TMEM200A: variants seen among roughly 807,000 people sequenced by gnomAD.
The protein encoded by TMEM200A is two transmembrane C.
TMEM200A carries 12 observed loss-of-function variants against 24.3 expected under a neutral mutation model. The ratio of observed to expected loss-of-function variants is 0.49; its 90% CI spans 0.32 to 0.80. TMEM200A has a LOEUF of 0.80. Ranked by LOEUF, TMEM200A falls within the 30% of genes least tolerant of loss-of-function variation. The pLI, the probability that TMEM200A is intolerant of heterozygous loss-of-function variation, is 0.04. For missense variants in TMEM200A, 545 were observed against 614.4 expected (o/e 0.89, Z 1.19); for synonymous variants, 224 against 224.4 (o/e 1.00, Z 0.02).
intron 2 of TMEM200A, among the ~76,000 whole-genome samples, chr6:130,407,601 T>C: frequency 6.6e-6 from 1 of 152,216 alleles, no homozygotes; most frequent in East Asian, 1.9e-4. Flanking sequence ...CTTGATTTGG[T>C]CAATATCATA....
chr6:130,420,696 G>C (rs1779560877), intron 2 of TMEM200A, among the ~76,000 whole-genome samples: 1 of 152,090 alleles, frequency 6.6e-6, no homozygotes, highest in Admixed American at 6.6e-5. Flanking sequence ...CGGGTCCTTA[G>C]CTCCCAGCAA....
intron 2 of TMEM200A, among the ~76,000 whole-genome samples, chr6:130,418,668 G>T (rs1427937309): frequency 1.3e-5 from 2 of 152,130 alleles, no homozygotes; most frequent in Non-Finnish European, 2.9e-5. Context: ...GTAGCATTGT[G>T]ATAAAATCAC....
intron 2 of TMEM200A, among the ~76,000 whole-genome samples, chr6:130,428,052 C>CTGTT (rs1243497886): frequency 1.3e-5 from 2 of 152,054 alleles, no homozygotes; most frequent in African/African-American, 4.8e-5. Flanking sequence ...TGGTTTTATC[C>CTGTT]TGTTATTGTT....
Position 130,442,557 on chromosome 6 carries a change from G to A in TMEM200A, c.*659G>A, listed in dbSNP as rs1344021088. The A allele has an allele frequency of 6.0e-6, 1 of 166,660 alleles. No homozygotes were observed. Among genetic ancestry groups the A allele is most frequent in the African/African-American group, 2.4e-5 (1 of 41,400 alleles). 10.3% of individuals were successfully genotyped at this position (166,660 alleles called of 1,614,324 possible). On this transcript the variant is annotated 3_prime_UTR_variant, in exon 3 of 3. Coordinates refer to ENST00000296978, the MANE Select transcript of TMEM200A (RefSeq NM_001258277.2). ...GCTGACAGTGCCAGATATACTTAGGGATAAACATCAAAATGCAATTATAGT... is the reference window on the plus strand; with the variant it reads ...GCTGACAGTGCCAGATATACTTAGGAATAAACATCAAAATGCAATTATAGT...
intron 2 of TMEM200A, among the ~76,000 whole-genome samples, chr6:130,395,804 G>T (rs117304283): frequency 2.0e-5 from 3 of 152,318 alleles, no homozygotes; most frequent in Non-Finnish European, 4.4e-5. Context: ...TGAATTTAAA[G>T]CAAGTGTTAC....
intron 1 of TMEM200A, chr6:130,381,872 A>G (rs1583178754): frequency 1.0e-6 from 1 of 980,942 alleles, no homozygotes; most frequent in Non-Finnish European, 1.2e-6. Context: ...ACTGAAGGTT[A>G]ACATTTGAAA....
At chr6:130,392,892 ATC>A (rs1778867340) in intron 2 of TMEM200A, among the ~76,000 whole-genome samples, 1 of 152,226 alleles carries the variant, frequency 6.6e-6, no homozygotes, top group Non-Finnish European at 1.5e-5. Flanking sequence ...AGTTTTTGAC[ATC>A]TCATTCATTT....
chr6:130,378,923 C>A (rs1778532241), intron 1 of TMEM200A, among the ~76,000 whole-genome samples: 1 of 152,150 alleles, frequency 6.6e-6, no homozygotes. Context: ...CTGGCAATAT[C>A]AGGGTGCTGG....
chr6:130,387,435 G>T (rs1337233107), intron 2 of TMEM200A, among the ~76,000 whole-genome samples: 4 of 152,076 alleles, frequency 2.6e-5, no homozygotes, highest in African/African-American at 7.2e-5. Flanking sequence ...ATCATGCACG[G>T]CTAATTTTTG....
At chr6:130,432,628 A>G (rs1779905551) in intron 2 of TMEM200A, among the ~76,000 whole-genome samples, 1 of 152,238 alleles carries the variant, frequency 6.6e-6, no homozygotes, top group Non-Finnish European at 1.5e-5. Flanking sequence ...GTAAAAGAAC[A>G]ATGTGAGCTA....
chr6:130,382,491 A>G (rs1778624201), intron 1 of TMEM200A, among the ~76,000 whole-genome samples: 2 of 152,156 alleles, frequency 1.3e-5, no homozygotes, highest in South Asian at 2.1e-4. Context: ...GGCCTTTCTC[A>G]GGAGAGTTGG....
intron 2 of TMEM200A, among the ~76,000 whole-genome samples, chr6:130,436,020 C>T (rs1374291236): frequency 2.0e-5 from 3 of 152,100 alleles, no homozygotes; most frequent in African/African-American, 7.2e-5. Context: ...GTCCACAGGC[C>T]TAGTTTTAAA....
At chr6:130,438,781 AC>A (rs1451707476) in intron 2 of TMEM200A, 1 of 152,244 alleles carries the variant, frequency 6.6e-6, no homozygotes, top group Non-Finnish European at 1.5e-5. Flanking sequence ...GAACTGTGAT[AC>A]TATAATATTG....
Position 130,441,152 on chromosome 6 carries a change from C to T in TMEM200A, c.730C>T (p.Pro244Ser), listed in dbSNP as rs201003025. 6.2e-6 allele frequency: 10 copies of T among 1,613,990 alleles called. No homozygotes were observed. The East Asian group carries it at 1.8e-4, about 29-fold the overall frequency. Residue 244 changes from proline (P) to serine (S), a missense_variant, in exon 3 of 3, where the codon CCC (proline) becomes TCC (serine). By Grantham distance (74) the Pro-to-Ser change is moderately conservative. Transcript: ENST00000296978. Reference protein sequence around the residue: ...NEGKSSGHLMPPLLSDSSVSV... With the variant: ...NEGKSSGHLMSPLLSDSSVSV... ...AGGTAAGAGTTCTGGGCATCTTATGCCCCCTTTGCTCTCTGACAGCTCTGT... is the reference window on the plus strand; with the variant it reads ...AGGTAAGAGTTCTGGGCATCTTATGTCCCCTTTGCTCTCTGACAGCTCTGT...
At chr6:130,426,515 C>T (rs537161332) in intron 2 of TMEM200A, among the ~76,000 whole-genome samples, 1 of 148,434 alleles carries the variant, frequency 6.7e-6, no homozygotes, top group Non-Finnish European at 1.5e-5. Flanking sequence ...TGTCCAGCCT[C>T]TGTGGCTGCC....
chr6:130,397,657 T>C (rs2115123483), intron 2 of TMEM200A, among the ~76,000 whole-genome samples: 1 of 151,988 alleles, frequency 6.6e-6, no homozygotes, highest in South Asian at 2.1e-4. Context: ...TTTCTGGCTT[T>C]TATCTGGTAA....
intron 1 of TMEM200A, chr6:130,381,935 G>A (rs1370242064): frequency 1.3e-5 from 13 of 985,220 alleles, no homozygotes; most frequent in African/African-American, 3.5e-5. Context: ...TTCCTCTTCC[G>A]TTCACTCCAG....
chr6:130,428,446 T>G (rs1398362715), intron 2 of TMEM200A, among the ~76,000 whole-genome samples: 1 of 152,160 alleles, frequency 6.6e-6, no homozygotes, highest in East Asian at 1.9e-4. Flanking sequence ...CTTTCTTTCT[T>G]TTGCCCTTTC....
intron 2 of TMEM200A, among the ~76,000 whole-genome samples, chr6:130,392,346 C>G (rs1418638738): frequency 1.3e-5 from 2 of 152,142 alleles, no homozygotes; most frequent in East Asian, 3.9e-4. Flanking sequence ...TTACTTTTGC[C>G]CTCACTATTT....
Sources: allele counts gnomAD v4.1 joint callset (sites outside exome capture counted in the v4.1 genomes callset), GRCh38; gene constraint gnomAD v4.1.1; transcripts MANE v1.5; gene names NCBI Gene and HGNC (gene_info 2026-07-23, HGNC 2026-07-21).